Variants in IMMP2L observed in about 807,000 individuals in gnomAD.
The protein encoded by IMMP2L is inner mitochondrial membrane peptidase subunit 2, also known as mitochondrial inner membrane protease subunit 2.
A neutral mutation model predicts 19.3 loss-of-function variants in IMMP2L; 18 were observed. The ratio of observed to expected loss-of-function variants is 0.93; its 90% CI spans 0.64 to 1.38. The LOEUF is 1.38. Among genes scored for constraint, IMMP2L ranks in the 40% most tolerant of loss-of-function variants. The pLI, the probability that IMMP2L is intolerant of heterozygous loss-of-function variation, is 0.00. For missense variants in IMMP2L, 233 were observed against 218.2 expected (o/e 1.07, Z -0.43); for synonymous variants, 76 against 73.0 (o/e 1.04, Z -0.21).
intron 3 of IMMP2L, among the ~76,000 whole-genome samples, chr7:110,988,418 T>C (rs1199992733): frequency 6.6e-6 from 1 of 152,200 alleles, no homozygotes; most frequent in African/African-American, 2.4e-5. Flanking sequence ...TTGGTGCATA[T>C]GACTTCTAGT....
At chr7:111,024,914 A>G (rs1245798349) in intron 3 of IMMP2L, among the ~76,000 whole-genome samples, 3 of 152,176 alleles carry the variant, frequency 2.0e-5, no homozygotes, top group African/African-American at 7.2e-5. Context: ...TTTTTGTCAA[A>G]AAGAAAACAA....
chr7:110,891,196 G>C (rs1202955923), intron 4 of IMMP2L, among the ~76,000 whole-genome samples: 4 of 147,380 alleles, frequency 2.7e-5, no homozygotes, highest in African/African-American at 1.0e-4. Context: ...AATATCAGCA[G>C]TTAGAACTAG....
intron 4 of IMMP2L, among the ~76,000 whole-genome samples, chr7:110,950,481 CAA>C (rs1817677432): frequency 6.6e-6 from 1 of 151,894 alleles, no homozygotes; most frequent in South Asian, 2.1e-4. Flanking sequence ...GGTTAGAATG[CAA>C]AGTGGTTCAG....
intron 3 of IMMP2L, among the ~76,000 whole-genome samples, chr7:111,200,256 T>C (rs1809955550): frequency 6.6e-6 from 1 of 152,108 alleles, no homozygotes; most frequent in South Asian, 2.1e-4. Context: ...ATTCATGATA[T>C]TGTCTTTTCT....
intron 3 of IMMP2L, among the ~76,000 whole-genome samples, chr7:111,414,730 T>C (rs918096101): frequency 6.6e-5 from 10 of 151,818 alleles, no homozygotes; most frequent in Non-Finnish European, 1.3e-4. Flanking sequence ...TGTAAGACTA[T>C]CATAATAGGT....
chr7:111,132,862 T>A (rs1245594784), intron 3 of IMMP2L, among the ~76,000 whole-genome samples: 1 of 151,998 alleles, frequency 6.6e-6, no homozygotes, highest in Non-Finnish European at 1.5e-5. Context: ...AAGACTTTCT[T>A]AGGTTAATGA....
intron 3 of IMMP2L, among the ~76,000 whole-genome samples, chr7:111,173,358 A>C (rs1806665385): frequency 6.6e-6 from 1 of 151,778 alleles, no homozygotes; most frequent in East Asian, 1.9e-4. Flanking sequence ...AAATTAATTA[A>C]CAATACACAA....
chr7:110,822,073 C>T (rs1217016185), intron 5 of IMMP2L, among the ~76,000 whole-genome samples: 1 of 152,112 alleles, frequency 6.6e-6, no homozygotes, highest in Non-Finnish European at 1.5e-5. Flanking sequence ...TGCCTGAGAT[C>T]CTGACAAGTA....
intron 1 of IMMP2L, among the ~76,000 whole-genome samples, chr7:111,536,633 C>T (rs1226033942): frequency 2.0e-5 from 3 of 152,062 alleles, no homozygotes; most frequent in Non-Finnish European, 2.9e-5. Context: ...AATAAGTCCC[C>T]TTTATGATCA....
intron 2 of IMMP2L, among the ~76,000 whole-genome samples, chr7:111,493,482 C>CACG (rs1188167096): frequency 6.6e-6 from 1 of 151,852 alleles, no homozygotes; most frequent in East Asian, 1.9e-4. Flanking sequence ...GTGGGTGGAT[C>CACG]ACGAGGTCAG....
At chr7:111,226,062 C>G (rs987288746) in intron 3 of IMMP2L, among the ~76,000 whole-genome samples, 2 of 152,066 alleles carry the variant, frequency 1.3e-5, no homozygotes, top group African/African-American at 2.4e-5. Flanking sequence ...TAGACTAAAG[C>G]TATCCTTGAA....
At chr7:110,819,666 A>G (rs2030966) in intron 5 of IMMP2L, among the ~76,000 whole-genome samples, 61,321 of 151,826 alleles carry the variant, frequency 0.4, 13,828 homozygotes, top group East Asian at 0.77. Context: ...TTAGGCCCCA[A>G]TGATTTTACT....
chr7:111,139,022 T>C (rs1174401382), intron 3 of IMMP2L, among the ~76,000 whole-genome samples: 1 of 152,146 alleles, frequency 6.6e-6, no homozygotes, highest in Non-Finnish European at 1.5e-5. Context: ...TTAAATCATC[T>C]CTATTGATCC....
At chr7:111,165,499 C>T (rs760844790) in intron 3 of IMMP2L, among the ~76,000 whole-genome samples, 3 of 152,024 alleles carry the variant, frequency 2.0e-5, no homozygotes, top group East Asian at 3.9e-4. Context: ...AAATGCCATA[C>T]TATTTTCCAC....
chr7:110,873,148 A>T (rs572621470), intron 5 of IMMP2L, among the ~76,000 whole-genome samples: 1 of 152,210 alleles, frequency 6.6e-6, no homozygotes, highest in African/African-American at 2.4e-5. Flanking sequence ...CATTTATTAA[A>T]AGTTAAAAGA....
At chr7:111,451,569 G>C (rs1403495636) in intron 3 of IMMP2L, among the ~76,000 whole-genome samples, 3 of 118,850 alleles carry the variant, frequency 2.5e-5, no homozygotes, top group Non-Finnish European at 3.4e-5. Flanking sequence ...TGGTGGGGAG[G>C]GGGGAGGGGG....
At chr7:110,792,073 C>T (rs1357558932) in intron 5 of IMMP2L, among the ~76,000 whole-genome samples, 3 of 151,794 alleles carry the variant, frequency 2.0e-5, no homozygotes, top group Non-Finnish European at 4.4e-5. Flanking sequence ...AACTGGATTT[C>T]TACCTATCAT....
At chr7:111,510,777 T>C (rs1042058954) in intron 2 of IMMP2L, among the ~76,000 whole-genome samples, 8 of 152,152 alleles carry the variant, frequency 5.3e-5, no homozygotes, top group Non-Finnish European at 1.0e-4. Context: ...AAAAAGGCTT[T>C]GGCCTAGCTG....
At chr7:111,070,880 C>T (rs1223697287) in intron 3 of IMMP2L, among the ~76,000 whole-genome samples, 3 of 152,088 alleles carry the variant, frequency 2.0e-5, no homozygotes, top group Non-Finnish European at 4.4e-5. Context: ...TTCCTTGGTA[C>T]TATTATTAAT....
Sources: gnomAD v4.1 joint callset for allele counts (sites outside exome capture counted in the v4.1 genomes callset) on GRCh38, gnomAD v4.1.1 for gene constraint, MANE v1.5 for transcripts, NCBI Gene and HGNC (gene_info 2026-07-23, HGNC 2026-07-21) for gene names.